The following LRRC4C variants were observed in gnomAD, a reference collection of about 807,000 sequenced individuals.
LRRC4C encodes leucine rich repeat containing 4C.
LRRC4C carries 5 observed loss-of-function variants against 33.6 expected under a neutral mutation model. The observed-to-expected ratio is 0.15, with a 90% CI of 0.08 to 0.31. The LOEUF (loss-of-function observed/expected upper bound fraction) is 0.31. Among genes scored for constraint, LRRC4C ranks in the 10% least tolerant of loss-of-function variants. The pLI is 1.00. For missense variants in LRRC4C, 560 were observed against 796.7 expected (o/e 0.70, Z 3.58); for synonymous variants, 329 against 302.0 (o/e 1.09, Z -0.93).
intron 1 of LRRC4C, among the ~76,000 whole-genome samples, chr11:41,285,362 C>T (rs1949792250): frequency 6.6e-6 from 1 of 152,118 alleles, no homozygotes; most frequent in African/African-American, 2.4e-5. Flanking sequence ...CTAAGTTGTG[C>T]CACCATTCAA....
chr11:40,532,994 T>C (rs1384771776), intron 3 of LRRC4C, among the ~76,000 whole-genome samples: 1 of 150,442 alleles, frequency 6.6e-6, no homozygotes, highest in African/African-American at 2.4e-5. Flanking sequence ...TTGTGGGAAC[T>C]CACTCACTAT....
intron 1 of LRRC4C, among the ~76,000 whole-genome samples, chr11:41,243,033 A>G (rs1315508963): frequency 6.6e-6 from 1 of 152,142 alleles, no homozygotes; most frequent in Non-Finnish European, 1.5e-5. Context: ...TTCCGTCAAA[A>G]ATTATGACCC....
chr11:41,161,022 G>A (rs1944447526), intron 1 of LRRC4C, among the ~76,000 whole-genome samples: 1 of 152,166 alleles, frequency 6.6e-6, no homozygotes, highest in Admixed American at 6.6e-5. Flanking sequence ...CTTATGTGCT[G>A]TAGGTCATCT....
At chr11:40,797,850 T>C (rs888701144) in intron 2 of LRRC4C, among the ~76,000 whole-genome samples, 3 of 152,194 alleles carry the variant, frequency 2.0e-5, no homozygotes, top group African/African-American at 7.2e-5. Context: ...GCTGCATCTA[T>C]ACAAAGTATT....
At chr11:40,356,068 T>C (rs34034994) in intron 3 of LRRC4C, among the ~76,000 whole-genome samples, 23,036 of 152,006 alleles carry the variant, frequency 0.15, 2,164 homozygotes, top group East Asian at 0.3. Flanking sequence ...TCAGTGACTG[T>C]GATTTATGGG....
chr11:41,154,316 C>T (rs1490543271), intron 1 of LRRC4C, among the ~76,000 whole-genome samples: 2 of 152,042 alleles, frequency 1.3e-5, no homozygotes, highest in East Asian at 3.9e-4. Context: ...CTTTCTTTAC[C>T]TGGTCCTCAT....
At chr11:41,443,629 T>G (rs958400421) in intron 1 of LRRC4C, among the ~76,000 whole-genome samples, 2 of 149,596 alleles carry the variant, frequency 1.3e-5, no homozygotes, top group African/African-American at 2.4e-5. Context: ...TCTTCTCCTT[T>G]TTTTCTTCTG....
At chr11:40,260,263 A>T (rs1867593186) in intron 4 of LRRC4C, among the ~76,000 whole-genome samples, 3 of 134,976 alleles carry the variant, frequency 2.2e-5, no homozygotes, top group African/African-American at 2.8e-5. Context: ...AGGGACATGG[A>T]TGAAATTGGA....
At chr11:40,854,311 C>T (rs556174508) in intron 2 of LRRC4C, among the ~76,000 whole-genome samples, 2 of 152,280 alleles carry the variant, frequency 1.3e-5, no homozygotes, top group East Asian at 3.9e-4. Flanking sequence ...CAAACATAGC[C>T]ACCTCCTGGA....
At chr11:40,541,458 A>G (rs1173864364) in intron 3 of LRRC4C, among the ~76,000 whole-genome samples, 1 of 152,124 alleles carries the variant, frequency 6.6e-6, no homozygotes, top group East Asian at 1.9e-4. Flanking sequence ...CATCTTTTCT[A>G]TAATTTCAGA....
At chr11:41,028,268 A>G (rs867372266) in intron 1 of LRRC4C, among the ~76,000 whole-genome samples, 50 of 151,696 alleles carry the variant, frequency 3.3e-4, no homozygotes, top group Middle Eastern at 3.4e-3. Context: ...CAATCTAAGC[A>G]TTAAAAAAAT....
At chr11:40,998,649 A>G (rs1377730707) in intron 1 of LRRC4C, among the ~76,000 whole-genome samples, 1 of 152,118 alleles carries the variant, frequency 6.6e-6, no homozygotes, top group Non-Finnish European at 1.5e-5. Context: ...ACCCAATCAC[A>G]AACTAGACAC....
At chr11:40,865,318 G>A (rs2060570450) in intron 2 of LRRC4C, among the ~76,000 whole-genome samples, 1 of 152,054 alleles carries the variant, frequency 6.6e-6, no homozygotes, top group Admixed American at 6.6e-5. Flanking sequence ...GGAAGTTGGG[G>A]AGATGCTGGT....
At chr11:41,422,073 T>C (rs1954889393) in intron 1 of LRRC4C, among the ~76,000 whole-genome samples, 1 of 152,076 alleles carries the variant, frequency 6.6e-6, no homozygotes, top group South Asian at 2.1e-4. Context: ...GAAAACTGCA[T>C]TCATGAGAAG....
chr11:40,865,358 A>T (rs1423013631), intron 2 of LRRC4C, among the ~76,000 whole-genome samples: 1 of 152,084 alleles, frequency 6.6e-6, no homozygotes, highest in Non-Finnish European at 1.5e-5. Flanking sequence ...GTTAGATAGG[A>T]GGATGATTGT....
chr11:40,211,250 C>A (rs1863584864), intron 5 of LRRC4C, among the ~76,000 whole-genome samples: 1 of 152,160 alleles, frequency 6.6e-6, no homozygotes, highest in Non-Finnish European at 1.5e-5. Flanking sequence ...TACTCCTATT[C>A]CCTGTACCTA....
chr11:41,308,602 C>A (rs142284641), intron 1 of LRRC4C, among the ~76,000 whole-genome samples: 1 of 152,248 alleles, frequency 6.6e-6, no homozygotes, highest in South Asian at 2.1e-4. Context: ...CACAGGTATT[C>A]AAAGCGAAGA....
At chr11:41,413,764 T>C (rs534428170) in intron 1 of LRRC4C, among the ~76,000 whole-genome samples, 1 of 152,218 alleles carries the variant, frequency 6.6e-6, no homozygotes, top group African/African-American at 2.4e-5. Context: ...AAAGCAAAAA[T>C]TGCGTGATGC....
At chr11:41,304,953 G>A (rs1459703732) in intron 1 of LRRC4C, among the ~76,000 whole-genome samples, 10 of 117,286 alleles carry the variant, frequency 8.5e-5, no homozygotes, top group African/African-American at 2.2e-4. Flanking sequence ...CAGCCGCCCC[G>A]TCCGGGAGGT....
Sources: allele counts gnomAD v4.1 joint callset (sites outside exome capture counted in the v4.1 genomes callset), GRCh38; gene constraint gnomAD v4.1.1; transcripts MANE v1.5; gene names NCBI Gene and HGNC (gene_info 2026-07-23, HGNC 2026-07-21).